The following PARD3B variants were observed in gnomAD, a reference collection of about 807,000 sequenced individuals.
PARD3B encodes the protein par-3 family cell polarity regulator beta, also known as partitioning defective 3 homolog B.
Under a neutral mutation model 130.2 loss-of-function variants are expected in PARD3B, and 103 were observed. The ratio of observed to expected loss-of-function variants is 0.79; its 90% CI spans 0.67 to 0.93. The LOEUF is 0.93. Among genes scored for constraint, PARD3B ranks in the 40% least tolerant of loss-of-function variants. The pLI, the probability that PARD3B is intolerant of heterozygous loss-of-function variation, is 0.00. For missense variants in PARD3B, 1,609 were observed against 1,499.2 expected, an observed-to-expected ratio of 1.07 and a Z score of -1.21; for synonymous variants, 583 against 553.2, an observed-to-expected ratio of 1.05 and a Z score of -0.76.
intron 1 of PARD3B, among the ~76,000 whole-genome samples, chr2:204,684,653 G>A (rs1331420667): frequency 3.9e-5 from 6 of 151,954 alleles, no homozygotes; most frequent in Admixed American, 6.6e-5. Flanking sequence ...CAATTACTTC[G>A]GGTTGGCAAA....
At chr2:205,348,348 T>C (rs2043871355) in intron 18 of PARD3B, among the ~76,000 whole-genome samples, 1 of 152,232 alleles carries the variant, frequency 6.6e-6, no homozygotes, top group African/African-American at 2.4e-5. Context: ...GTATTCTCAA[T>C]GTTTCAGCAA....
chr2:204,807,444 A>G (rs1350547263), intron 2 of PARD3B, among the ~76,000 whole-genome samples: 1 of 152,150 alleles, frequency 6.6e-6, no homozygotes, highest in African/African-American at 2.4e-5. Context: ...AGGTTCCTCA[A>G]AAGAAACAAA....
chr2:205,363,720 A>G (rs973327526), intron 18 of PARD3B, among the ~76,000 whole-genome samples: 1 of 152,006 alleles, frequency 6.6e-6, no homozygotes, highest in African/African-American at 2.4e-5. Context: ...GCTGGAATGC[A>G]GTGGCACAAT....
At chr2:205,272,343 T>C (rs1229967601) in intron 16 of PARD3B, among the ~76,000 whole-genome samples, 1 of 152,154 alleles carries the variant, frequency 6.6e-6, no homozygotes, top group Non-Finnish European at 1.5e-5. Flanking sequence ...GTTTCTATAA[T>C]TATTTTCCCC....
At chr2:205,260,317 T>A (rs2040253824) in intron 16 of PARD3B, among the ~76,000 whole-genome samples, 1 of 152,148 alleles carries the variant, frequency 6.6e-6, no homozygotes, top group Non-Finnish European at 1.5e-5. Flanking sequence ...TAGCATCATG[T>A]CAGTGCTCAA....
At chr2:204,624,424 G>GA (rs1439769342) in intron 1 of PARD3B, among the ~76,000 whole-genome samples, 1 of 152,016 alleles carries the variant, frequency 6.6e-6, no homozygotes, top group African/African-American at 2.4e-5. Context: ...CTCAAAAAAT[G>GA]AAAAAATAGA....
At chr2:204,547,475 G>C (rs546333640) in intron 1 of PARD3B, among the ~76,000 whole-genome samples, 1 of 152,196 alleles carries the variant, frequency 6.6e-6, no homozygotes, top group Non-Finnish European at 1.5e-5. Context: ...AATGTTATGT[G>C]TGTGTGTGCA....
Position 205,172,369 on chromosome 2 carries a change from G to C in PARD3B, c.1779G>C (p.Glu593Asp). The C allele has an allele frequency of 6.2e-7, 1 of 1,613,656 alleles. No homozygotes were observed. The highest frequency in any genetic ancestry group is 8.5e-7 in the Non-Finnish European group (1 of 1,179,784). Reference sequence around the variant, plus strand: ...AGTTGGTGATTCTGAGGAGGCCAGAGAGACCAATGGAGGTGATGCAAATCT... The same window carrying C: ...AGTTGGTGATTCTGAGGAGGCCAGACAGACCAATGGAGGTGATGCAAATCT... ...MIQLVILRRP[E>D]RPMEDPAECG... Residue 593 changes from glutamate to aspartate, a missense_variant, in exon 12 of 23, where the codon GAG becomes GAC. Coordinates refer to ENST00000406610, the MANE Select transcript of PARD3B (RefSeq NM_001302769.2).
chr2:204,702,662 C>T (rs1184361977), intron 2 of PARD3B, among the ~76,000 whole-genome samples: 1 of 152,028 alleles, frequency 6.6e-6, no homozygotes, highest in African/African-American at 2.4e-5. Flanking sequence ...GCAACCTCTA[C>T]CTCCTGGGTT....
At position 205,572,461 on chromosome 2, in the gene PARD3B, C is replaced by A. The variant is rs889097141; in HGVS notation, c.3260+19058C>A. On this transcript the variant is annotated intron_variant, in intron 22 of 22. Transcript: ENST00000406610. The surrounding 1 kb of genome is among the most constrained non-coding windows in gnomAD (Gnocchi z 4.2). The stretch of plus-strand genomic sequence containing the variant: ...TTTCATGGAAAATAAATTGGAGAGA[C>A]AGGCCGGGTGCGGTGGTGCACGCCT... 1.3e-5 allele frequency among the ~76,000 whole-genome samples: 2 copies of A among 152,094 alleles called. No individual in the cohort carries two copies. Among genetic ancestry groups the A allele is most frequent in the Non-Finnish European group, 2.9e-5 (2 of 68,002 alleles).
chr2:205,034,265 T>TTCAC (rs1697641875), intron 3 of PARD3B, among the ~76,000 whole-genome samples: 1 of 152,196 alleles, frequency 6.6e-6, no homozygotes. Context: ...CCTAAGTGAT[T>TTCAC]GACTAAAGGA....
intron 15 of PARD3B, among the ~76,000 whole-genome samples, chr2:205,236,720 G>A (rs1160141908): frequency 6.6e-6 from 1 of 152,100 alleles, no homozygotes; most frequent in Admixed American, 6.5e-5. Flanking sequence ...ATTGATCAAT[G>A]GACACATATT....
intron 2 of PARD3B, among the ~76,000 whole-genome samples, chr2:204,713,189 G>T (rs892893206): frequency 1.1e-3 from 168 of 151,948 alleles, no homozygotes; most frequent in African/African-American, 3.7e-3. Flanking sequence ...GGGCAAGAAT[G>T]TATATCTAGG....
chr2:205,615,533 A>T lies in PARD3B; in HGVS notation c.3338A>T (p.Tyr1113Phe), dbSNP rs777921669. 1 of 1,614,008 alleles carries T rather than the reference A, an allele frequency of 6.2e-7. No individual in the cohort carries two copies. Residue 1113 changes from tyrosine to phenylalanine, a missense_variant, in exon 23 of 23, where the codon TAT (tyrosine) becomes TTT (phenylalanine). Tyr to Phe is a conservative substitution (Grantham distance 22, BLOSUM62 3). Coordinates refer to ENST00000406610, the MANE Select transcript of PARD3B (RefSeq NM_001302769.2). ...TACAAGGAAAGGGAGCTTCCCTATTATCCAGGGGCTCATCCTATGCACCCT... is the reference window on the plus strand; with the variant it reads ...TACAAGGAAAGGGAGCTTCCCTATTTTCCAGGGGCTCATCCTATGCACCCT... ...GLYKERELPY[Y>F]PGAHPMHPPK...
At chr2:204,862,753 T>C (rs1386647277) in intron 2 of PARD3B, among the ~76,000 whole-genome samples, 1 of 152,172 alleles carries the variant, frequency 6.6e-6, no homozygotes. Context: ...TTCCCCTCAG[T>C]TTAGTTTAAA....
chr2:204,716,693 G>T (rs1240959525), intron 2 of PARD3B, among the ~76,000 whole-genome samples: 2 of 149,802 alleles, frequency 1.3e-5, no homozygotes, highest in Admixed American at 1.3e-4. Flanking sequence ...CGCGATCTCG[G>T]CTCACTGCAA....
chr2:204,948,938 A>G (rs777838956), intron 2 of PARD3B, among the ~76,000 whole-genome samples: 5 of 152,316 alleles, frequency 3.3e-5, no homozygotes, highest in Middle Eastern at 3.4e-3. Context: ...TAGAGACTTT[A>G]TGAACTAAAG....
At chr2:204,549,875 A>G (rs2030313622) in intron 1 of PARD3B, among the ~76,000 whole-genome samples, 1 of 152,288 alleles carries the variant, frequency 6.6e-6, no homozygotes, top group South Asian at 2.1e-4. Context: ...AAGTGAATTT[A>G]TTACACATTG....
intron 12 of PARD3B, 100 bp downstream of exon 12, chr2:205,172,481 A>C: frequency 1.6e-6 from 2 of 1,266,102 alleles, no homozygotes; most frequent in Admixed American, 5.0e-5. Flanking sequence ...TATCGAGAAA[A>C]TATGCCCCAG....
Sources: allele counts gnomAD v4.1 joint callset (sites outside exome capture counted in the v4.1 genomes callset), GRCh38; gene constraint gnomAD v4.1.1; non-coding constraint Gnocchi (gnomAD v3.1); transcripts MANE v1.5; gene names NCBI Gene and HGNC (gene_info 2026-07-23, HGNC 2026-07-21).